RBFOX1: variants seen among roughly 807,000 people sequenced by gnomAD.
RBFOX1 encodes the protein RNA binding protein fox-1 homolog 1.
A neutral mutation model predicts 57.7 loss-of-function variants in RBFOX1; 8 were observed. The observed-to-expected ratio is 0.14, with a 90% CI of 0.08 to 0.25. The LOEUF (loss-of-function observed/expected upper bound fraction) is 0.25. Among genes scored for constraint, RBFOX1 ranks in the 10% least tolerant of loss-of-function variants. RBFOX1 has a pLI of 1.00. For synonymous variants in RBFOX1, 326 were observed against 222.4 expected (o/e 1.47, Z -4.15); for missense variants, 611 against 548.5 (o/e 1.11, Z -1.14).
intron 1 of RBFOX1, among the ~76,000 whole-genome samples, chr16:6,311,011 G>A (rs1328342740): frequency 6.6e-6 from 1 of 151,918 alleles, no homozygotes; most frequent in African/African-American, 2.4e-5. Flanking sequence ...AGAACTATTG[G>A]CTTGCCTGGA....
intron 3 of RBFOX1, among the ~76,000 whole-genome samples, chr16:6,993,345 A>G (rs2091801066): frequency 6.6e-6 from 1 of 152,190 alleles, no homozygotes; most frequent in African/African-American, 2.4e-5. Flanking sequence ...ATTAAAAACT[A>G]ACGAATAGGG....
chr16:6,736,555 T>C (rs1251895672), intron 3 of RBFOX1, among the ~76,000 whole-genome samples: 3 of 152,336 alleles, frequency 2.0e-5, no homozygotes, highest in Non-Finnish European at 2.9e-5. Context: ...TATTCACTCA[T>C]TGAGTAATGG....
chr16:7,491,169 C>T (rs1369453565), intron 4 of RBFOX1, among the ~76,000 whole-genome samples: 1 of 152,084 alleles, frequency 6.6e-6, no homozygotes, highest in African/African-American at 2.4e-5. Context: ...CGCTCTGAAG[C>T]CAATTCTTCA....
intron 3 of RBFOX1, among the ~76,000 whole-genome samples, chr16:6,727,203 A>G (rs776728197): frequency 2.6e-5 from 4 of 152,090 alleles, no homozygotes; most frequent in Non-Finnish European, 4.4e-5. Flanking sequence ...CTATCCTGCA[A>G]TTCTGACAAT....
chr16:6,941,673 A>T (rs1188762447), intron 3 of RBFOX1, among the ~76,000 whole-genome samples: 1 of 152,122 alleles, frequency 6.6e-6, no homozygotes, highest in African/African-American at 2.4e-5. Flanking sequence ...CAGGTCAGTC[A>T]TAGTAATAGA....
intron 2 of RBFOX1, among the ~76,000 whole-genome samples, chr16:5,580,158 T>G (rs183123629): frequency 6.6e-6 from 1 of 152,318 alleles, no homozygotes; most frequent in East Asian, 1.9e-4. Flanking sequence ...CGTTCCCAGC[T>G]GCCTCCCTTG....
chr16:6,709,034 A>T (rs534929319), intron 3 of RBFOX1, among the ~76,000 whole-genome samples: 1 of 151,828 alleles, frequency 6.6e-6, no homozygotes, highest in South Asian at 2.1e-4. Context: ...TAATTACACC[A>T]TCTCCCCAGG....
intron 1 of RBFOX1, among the ~76,000 whole-genome samples, chr16:6,111,550 A>T (rs945860867): frequency 1.3e-5 from 2 of 152,336 alleles, no homozygotes; most frequent in Admixed American, 6.5e-5. Context: ...GGCATGTCCC[A>T]TTGGAGTTAC....
chr16:7,673,565 C>T (rs2072292839), intron 13 of RBFOX1, among the ~76,000 whole-genome samples: 1 of 152,040 alleles, frequency 6.6e-6, no homozygotes, highest in Non-Finnish European at 1.5e-5. Flanking sequence ...GAACAAAATG[C>T]TTTATTGGAG....
chr16:7,397,270 T>G (rs1286065900), intron 4 of RBFOX1, among the ~76,000 whole-genome samples: 1 of 152,210 alleles, frequency 6.6e-6, no homozygotes. Context: ...TGTGTTTAAA[T>G]CTGGGGTGTA....
chr16:5,633,735 G>T (rs559771963), intron 3 of RBFOX1, among the ~76,000 whole-genome samples: 1 of 151,906 alleles, frequency 6.6e-6, no homozygotes, highest in Non-Finnish European at 1.5e-5. Flanking sequence ...TTAGCCGGGC[G>T]TCGTGGTGCA....
chr16:6,046,673 T>A (rs890819671), intron 1 of RBFOX1, among the ~76,000 whole-genome samples: 3 of 152,208 alleles, frequency 2.0e-5, no homozygotes. Flanking sequence ...CTTCTTGAAA[T>A]CCATCTTGGC....
At chr16:5,598,878 C>T (rs1173440245) in intron 2 of RBFOX1, 2 of 1,478,164 alleles carry the variant, frequency 1.4e-6, no homozygotes, top group Admixed American at 2.4e-5. Flanking sequence ...CAACCTTTTT[C>T]TCTATTTGTT....
At chr16:6,965,402 G>T (rs1178462123) in intron 3 of RBFOX1, among the ~76,000 whole-genome samples, 2 of 151,784 alleles carry the variant, frequency 1.3e-5, no homozygotes. Flanking sequence ...TAGTGCAGTG[G>T]CGTGATCTCA....
At chr16:6,784,416 T>G (rs1405263307) in intron 3 of RBFOX1, among the ~76,000 whole-genome samples, 1 of 152,152 alleles carries the variant, frequency 6.6e-6, no homozygotes, top group Non-Finnish European at 1.5e-5. Context: ...GATGCATTTT[T>G]GTGTTGTTGA....
chr16:5,798,846 C>A (rs936574495), intron 3 of RBFOX1, among the ~76,000 whole-genome samples: 2 of 152,110 alleles, frequency 1.3e-5, no homozygotes, highest in African/African-American at 4.8e-5. Flanking sequence ...TACATAAACC[C>A]CTCCAGCGTC....
intron 1 of RBFOX1, among the ~76,000 whole-genome samples, chr16:5,345,169 G>A (rs1296997311): frequency 6.6e-6 from 1 of 152,098 alleles, no homozygotes; most frequent in Admixed American, 6.5e-5. Context: ...CGAGAGGCAG[G>A]GCTGTGCTCT....
intron 1 of RBFOX1, among the ~76,000 whole-genome samples, chr16:6,116,858 G>C (rs1251899641): frequency 6.6e-6 from 1 of 152,066 alleles, no homozygotes; most frequent in African/African-American, 2.4e-5. Flanking sequence ...GAGAGAGGCT[G>C]GTGGCTGTAC....
At chr16:5,477,323 C>T (rs1462370704) in intron 2 of RBFOX1, among the ~76,000 whole-genome samples, 1 of 152,238 alleles carries the variant, frequency 6.6e-6, no homozygotes, top group Non-Finnish European at 1.5e-5. Context: ...TGCGCTGCTA[C>T]GTTGGCAGAT....
Sources: gnomAD v4.1 joint callset for allele counts (sites outside exome capture counted in the v4.1 genomes callset) on GRCh38, gnomAD v4.1.1 for gene constraint, MANE v1.5 for transcripts, NCBI Gene and HGNC (gene_info 2026-07-23, HGNC 2026-07-21) for gene names.